SRCAP: variants seen among roughly 807,000 people sequenced by gnomAD.
SRCAP encodes the protein Snf2 related CREBBP activator protein, also known as chromatin remodeling protein SRCAP.
A neutral mutation model predicts 263.1 loss-of-function variants in SRCAP; 46 were observed. The ratio of observed to expected loss-of-function variants is 0.17; its 90% CI spans 0.14 to 0.22. The LOEUF (loss-of-function observed/expected upper bound fraction) is 0.22, where lower values mean the gene tolerates loss of function less well. SRCAP is among the 10% of genes least tolerant of loss of function. SRCAP has a pLI of 1.00. For synonymous variants in SRCAP, 1,813 were observed against 1,662.1 expected (o/e 1.09, Z -2.21); for missense variants, 3,695 against 4,181.9 (o/e 0.88, Z 3.21).
At chr16:30,708,252 A>G (rs1441027680) in intron 6 of SRCAP, among the ~76,000 whole-genome samples, 2 of 152,124 alleles carry the variant, frequency 1.3e-5, no homozygotes, top group African/African-American at 4.8e-5. Flanking sequence ...TGTGTCTCCT[A>G]GGCTGGAGTG....
rs776389493 is a variant in SRCAP at position 30,738,507 on chromosome 16, C to G, written c.8467C>G (p.Gln2823Glu). The change falls in exon 34 of 34, where the codon CAG becomes GAG. Residue 2823 changes from glutamine to glutamate, a missense_variant. Physicochemically the swap from Gln to Glu is conservative, Grantham distance 29. Transcript: ENST00000262518. ...PSSSLPTPPQ[Q>E]PFIARRHIEL... ...ATCCTCACTGCCCACTCCACCCCAG[C>G]AGCCCTTCATTGCTCGCCGTCACAT... 2.5e-6 allele frequency: 4 copies of G among 1,610,510 alleles called. No individual in the cohort carries two copies. In the East Asian group the frequency reaches 8.9e-5, roughly 36 times the overall value.
At position 30,738,803 on chromosome 16, in the gene SRCAP, C is replaced by T. The variant is rs753509067; in HGVS notation, c.8763C>T (p.Pro2921=). ...TTCCTGGGCCCCAGCCTCTTGGACCCCAGCCAGTTCACAGACCCAATCCCC... is the reference window on the plus strand; with the variant it reads ...TTCCTGGGCCCCAGCCTCTTGGACCTCAGCCAGTTCACAGACCCAATCCCC... The part of the protein sequence containing the change: ...QLIPGPQPLG[P]QPVHRPNPLL... The change falls in exon 34 of 34, where the codon CCC becomes CCT. Residue 2921 remains proline (P), a synonymous_variant. Coordinates refer to ENST00000262518, the MANE Select transcript of SRCAP (RefSeq NM_006662.3). 1.2e-6 allele frequency: 2 copies of T among 1,613,724 alleles called. No individual in the cohort carries two copies. Among genetic ancestry groups the T allele is most frequent in the Non-Finnish European group, 1.7e-6 (2 of 1,179,866 alleles).
chr16:30,739,527 C>T lies in SRCAP; in HGVS notation c.9487C>T (p.Leu3163=), dbSNP rs201927170. 14 of 1,612,068 alleles carry T rather than the reference C, an allele frequency of 8.7e-6. No homozygotes were observed. The highest frequency in any genetic ancestry group is 1.2e-5 in the Non-Finnish European group (14 of 1,179,172). Residue 3163 remains leucine, a synonymous_variant, in exon 34 of 34, where the codon CTG becomes TTG. Transcript: ENST00000262518. The stretch of plus-strand genomic sequence containing the variant: ...GGGCCGCCTACAGCCCCCAAGTCCC[C>T]TGGGGCCTGAGGGTTCAGTAGAGGA... ...KRGRLQPPSP[L]GPEGSVEESE... is the part of the protein sequence containing the mutation.
At position 30,716,330 on chromosome 16, in the gene SRCAP, G is replaced by A. The variant is rs759460198; in HGVS notation, c.2668G>A (p.Val890Ile). ...ACTAGCCACAGGCCATTTCATGAGC[G>A]TCATCAACATTTTGATGCAGCTGAG... ...ETLATGHFMS[V>I]INILMQLRKV... The change falls in exon 18 of 34, where the codon GTC (valine) becomes ATC (isoleucine). Residue 890 changes from valine (V) to isoleucine (I), a missense_variant. Around this residue, in one of 12 missense-constraint regions of SRCAP, gnomAD observed 147 missense variants for 212.7 expected, o/e 0.69. Coordinates refer to ENST00000262518, the MANE Select transcript of SRCAP (RefSeq NM_006662.3). 6 of 1,613,974 alleles carry A rather than the reference G, an allele frequency of 3.7e-6. No homozygotes were observed. In the South Asian group the frequency reaches 4.4e-5, roughly 12 times the overall value.
Position 30,739,753 on chromosome 16 carries a change from A to C in SRCAP, c.*20A>C. On this transcript the variant is annotated 3_prime_UTR_variant, in exon 34 of 34. Transcript: ENST00000262518. ...ACGTGAGTGGGCTGCCCCTCCACCTAGGCTTTCCACCGTGGCCACTCCCTC... is the reference window on the plus strand; with the variant it reads ...ACGTGAGTGGGCTGCCCCTCCACCTCGGCTTTCCACCGTGGCCACTCCCTC... The C allele has an allele frequency of 6.9e-7, 1 of 1,456,234 alleles. No homozygotes were observed. The highest frequency in any genetic ancestry group is 1.4e-5 in the South Asian group (1 of 68,970). 90.2% of individuals were successfully genotyped at this position (1,456,234 alleles called of 1,614,324 possible).
rs1354708760 is a variant in SRCAP at position 30,737,183 on chromosome 16, C to T, written c.7143C>T (p.Arg2381=). The T allele has an allele frequency of 6.2e-7, 1 of 1,614,012 alleles. No homozygotes were observed. Among genetic ancestry groups the T allele is most frequent in the Admixed American group, 1.7e-5 (1 of 60,006 alleles). Residue 2381 remains arginine (R), a synonymous_variant, in exon 34 of 34, where the codon CGC becomes CGT. Coordinates refer to ENST00000262518, the MANE Select transcript of SRCAP (RefSeq NM_006662.3). ...SCGTGGGTHR[R]SKKAKAPERP... ...GGACTGGTGGAGGCACCCACCGGCG[C>T]AGTAAAAAGGCCAAAGCCCCTGAGA...
intron 18 of SRCAP, 121 bp downstream of exon 18, chr16:30,716,600 A>G: frequency 1.1e-6 from 1 of 871,276 alleles, no homozygotes; most frequent in Admixed American, 2.6e-5. Context: ...TCATTCCCTT[A>G]GTTTTATTGT....
chr16:30,723,119 C>T lies in SRCAP; in HGVS notation c.4049C>T (p.Pro1350Leu). Residue 1350 changes from proline (P) to leucine (L), a missense_variant, in exon 24 of 34, where the codon CCT becomes CTT. Pro to Leu is a moderately conservative substitution (Grantham distance 98). Coordinates refer to ENST00000262518, the MANE Select transcript of SRCAP (RefSeq NM_006662.3). ...AVLNPRPTLT[P>L]GRLPTPTLGT... ...TTGAATCCACGCCCCACGTTAACCC[C>T]TGGCCGGCTACCCACACCTACTCTG... 6.2e-7 allele frequency: 1 copy of T among 1,614,118 alleles called. No individual in the cohort carries two copies. The highest frequency in any genetic ancestry group is 2.2e-5 in the East Asian group (1 of 44,848).
Position 30,707,601 on chromosome 16 carries a change from G to A in SRCAP, c.522G>A (p.Glu174=). ...KVVRMVIRHH[E]EQRQKEERAR... ...TGCGCATGGTGATCCGGCACCACGA[G>A]GAGCAGCGGCAGAAAGAGGAACGGG... Residue 174 remains glutamate, a synonymous_variant, in exon 6 of 34, where the codon GAG becomes GAA. Transcript: ENST00000262518. 1 of 1,613,912 alleles carries A rather than the reference G, an allele frequency of 6.2e-7. No individual in the cohort carries two copies. Among genetic ancestry groups the A allele is most frequent in the Non-Finnish European group, 8.5e-7 (1 of 1,179,910 alleles).
chr16:30,712,038 G>A lies in SRCAP; in HGVS notation c.1696G>A (p.Ala566Thr), dbSNP rs2052897986. 1 of 1,613,936 alleles carries A rather than the reference G, an allele frequency of 6.2e-7. No homozygotes were observed. ...GGATGAAGAGCAGAGTGAGGCAGAT[G>A]CAGGCAGTGGGCCTCCTACTCCAGG... ...ARDEEQSEAD[A>T]GSGPPTPGPT... Residue 566 changes from alanine to threonine, a missense_variant, in exon 12 of 34, where the codon GCA becomes ACA. Around this residue, in one of 12 missense-constraint regions of SRCAP, gnomAD observed 288 missense variants for 302.4 expected, o/e 0.95. Transcript: ENST00000262518.
In SRCAP at chr16:30,710,853, G is replaced by A. The variant is rs1368009231; in HGVS notation, c.1228+6G>A. The A allele has an allele frequency of 1.9e-6, 3 of 1,614,070 alleles. No individual in the cohort carries two copies. In the South Asian group the frequency reaches 3.3e-5, roughly 18 times the overall value. ...TACTGCCAACGAAGAGGAAGGTCAGGGCTGTTCGGTTTGTCCTATTGCCCC... is the reference window on the plus strand; with the variant it reads ...TACTGCCAACGAAGAGGAAGGTCAGAGCTGTTCGGTTTGTCCTATTGCCCC... On this transcript the variant is annotated splice_donor_region_variant and intron_variant, in intron 9 of 33. Coordinates refer to ENST00000262518, the MANE Select transcript of SRCAP (RefSeq NM_006662.3).
At position 30,716,524 on chromosome 16, in the gene SRCAP, T is replaced by G. The variant is rs1336359063; in HGVS notation, c.2817+45T>G. Reference sequence around the variant, plus strand: ...TATGAAATGTAAAGGTTATCGGCATTACTCCAACCATGTACCTCTTTTCGT... The same window carrying G: ...TATGAAATGTAAAGGTTATCGGCATGACTCCAACCATGTACCTCTTTTCGT... On this transcript the variant is annotated intron_variant, in intron 18 of 33. Transcript: ENST00000262518. 5.8e-6 allele frequency: 9 copies of G among 1,548,770 alleles called. No homozygotes were observed. In the African/African-American group the frequency reaches 8.2e-5, roughly 14 times the overall value.
rs144253022 is a variant in SRCAP at position 30,733,292 on chromosome 16, C to T, written c.6140C>T (p.Thr2047Met). The T allele has an allele frequency of 3.2e-5, 51 of 1,613,912 alleles. No homozygotes were observed. Among genetic ancestry groups the T allele is most frequent in the African/African-American group, 2.0e-4 (15 of 75,042 alleles). ...CATATCTCTTTAGGAAAGTTGCAGA[C>T]GTTGGCAGTGCTGTTGCGGCAGCTC... ...LIQYDCGKLQTLAVLLRQLKA... is the reference protein window; with the variant it reads ...LIQYDCGKLQMLAVLLRQLKA... Residue 2047 changes from threonine (T) to methionine (M), a missense_variant, in exon 28 of 34, where the codon ACG (threonine) becomes ATG (methionine). Physicochemically the swap from Thr to Met is moderately conservative, Grantham distance 81. Coordinates refer to ENST00000262518, the MANE Select transcript of SRCAP (RefSeq NM_006662.3). This position sits in a 1 kb window ranked among gnomAD's most constrained non-coding sequence, Gnocchi z 5.3.
At chr16:30,736,689 T>G in intron 33 of SRCAP, 65 bp downstream of exon 33, 1 of 1,554,588 alleles carries the variant, frequency 6.4e-7, no homozygotes, top group Non-Finnish European at 8.8e-7. Context: ...TTTCTCTTTT[T>G]TTTGAGACAG....
intron 8 of SRCAP, 76 bp from the exon 9 acceptor site, chr16:30,710,678 C>A: frequency 1.4e-6 from 2 of 1,425,720 alleles, no homozygotes; most frequent in Non-Finnish European, 2.0e-6. Context: ...TCTCCTGTGA[C>A]ACCTTTTTCA....
Position 30,724,001 on chromosome 16 carries a change from T to G in SRCAP, c.4577T>G (p.Leu1526Trp), listed in dbSNP as rs1451703904. Residue 1526 changes from leucine to tryptophan, a missense_variant, in exon 25 of 34, where the codon TTG (leucine) becomes TGG (tryptophan). Leu to Trp is a moderately conservative substitution (Grantham distance 61, BLOSUM62 -2). Coordinates refer to ENST00000262518, the MANE Select transcript of SRCAP (RefSeq NM_006662.3). ...TCTCAGACACCTGGTCACCCTCTGT[T>G]GTTGGCTCCCACCTCTTCACATGTT... ...SSSQTPGHPL[L>W]LAPTSSHVPG... The G allele has an allele frequency of 6.2e-7, 1 of 1,614,074 alleles. No individual in the cohort carries two copies. Among genetic ancestry groups the G allele is most frequent in the Non-Finnish European group, 8.5e-7 (1 of 1,180,008 alleles).
intron 26 of SRCAP, 45 bp downstream of exon 26, chr16:30,729,276 A>C: frequency 6.3e-7 from 1 of 1,596,820 alleles, no homozygotes; most frequent in Non-Finnish European, 8.6e-7. Flanking sequence ...TTGGGGCCTC[A>C]GAGTGGATGT....
In SRCAP at chr16:30,710,947, C is replaced by T. The variant is rs2052883984; in HGVS notation, c.1229-52C>T. The T allele has an allele frequency of 6.3e-6, 10 of 1,596,772 alleles. No individual in the cohort carries two copies. The South Asian group carries it at 6.6e-5, about 11-fold the overall frequency. On this transcript the variant is annotated intron_variant, in intron 9 of 33. Coordinates refer to ENST00000262518, the MANE Select transcript of SRCAP (RefSeq NM_006662.3). Reference sequence around the variant, plus strand: ...CTCATCTGTTTCATTTGGACTGTGTCCTGTGCCTCTAGCCTCTATCCCTAT... The same window carrying T: ...CTCATCTGTTTCATTTGGACTGTGTTCTGTGCCTCTAGCCTCTATCCCTAT...
intron 14 of SRCAP, among the ~76,000 whole-genome samples, 162 bp from the exon 15 acceptor site, chr16:30,713,046 C>T (rs534399091): frequency 1.3e-5 from 2 of 152,262 alleles, no homozygotes; most frequent in East Asian, 1.9e-4. Context: ...AGCTGTGAGC[C>T]ACCGCACCCA....
Sources: gnomAD v4.1 joint callset for allele counts (sites outside exome capture counted in the v4.1 genomes callset) on GRCh38, gnomAD v4.1.1 for gene constraint, gnomAD v4.1.1 regional missense constraint, Gnocchi (gnomAD v3.1) non-coding constraint, MANE v1.5 for transcripts, NCBI Gene and HGNC (gene_info 2026-07-23, HGNC 2026-07-21) for gene names.